Variants in RUNX2 observed in about 807,000 individuals in gnomAD.
RUNX2 encodes RUNX family transcription factor 2.
A neutral mutation model predicts 51.7 loss-of-function variants in RUNX2; 10 were observed. That is an observed-to-expected ratio of 0.19 (90% confidence interval 0.12 to 0.33). The LOEUF (loss-of-function observed/expected upper bound fraction) is 0.33. Among genes scored for constraint, RUNX2 ranks in the 10% least tolerant of loss-of-function variants. The pLI is 1.00. For synonymous variants in RUNX2, 276 were observed against 273.6 expected, an observed-to-expected ratio of 1.01 and a Z score of -0.09; for missense variants, 562 against 691.3, an observed-to-expected ratio of 0.81 and a Z score of 2.10.
chr6:45,409,069 G>C (rs1379675130), intron 2 of RUNX2, among the ~76,000 whole-genome samples: 1 of 152,064 alleles, frequency 6.6e-6, no homozygotes, highest in Non-Finnish European at 1.5e-5. Context: ...CAAGCCACTA[G>C]CTTTTATATT....
At chr6:45,444,901 C>G (rs1798948233) in intron 5 of RUNX2, among the ~76,000 whole-genome samples, 1 of 152,204 alleles carries the variant, frequency 6.6e-6, no homozygotes, top group Non-Finnish European at 1.5e-5. Flanking sequence ...CTCATTCCAG[C>G]TGATGTCAGC....
At chr6:45,544,902 A>G (rs1802347889) in intron 7 of RUNX2, among the ~76,000 whole-genome samples, 1 of 152,210 alleles carries the variant, frequency 6.6e-6, no homozygotes. Flanking sequence ...TAAGCTTGTC[A>G]GAATTTCGTT....
intron 3 of RUNX2, among the ~76,000 whole-genome samples, chr6:45,423,387 TC>T (rs1488732330): frequency 1.3e-5 from 2 of 151,984 alleles, no homozygotes; most frequent in Non-Finnish European, 2.9e-5. Flanking sequence ...GGCTCCCGCG[TC>T]CTTCCGGGAC....
chr6:45,351,245 T>C (rs1347116261), intron 2 of RUNX2, among the ~76,000 whole-genome samples: 1 of 151,838 alleles, frequency 6.6e-6, no homozygotes, highest in Non-Finnish European at 1.5e-5. Context: ...AGTATACAAC[T>C]CACTCATCAC....
At chr6:45,451,906 C>T (rs563992730) in intron 5 of RUNX2, among the ~76,000 whole-genome samples, 25 of 152,280 alleles carry the variant, frequency 1.6e-4, no homozygotes, top group Non-Finnish European at 3.4e-4. Context: ...GAAGCTCAGA[C>T]TCGCAGAGGT....
intron 2 of RUNX2, among the ~76,000 whole-genome samples, chr6:45,365,877 A>G (rs1795052134): frequency 8.2e-6 from 1 of 121,720 alleles, no homozygotes; most frequent in African/African-American, 2.7e-5. Flanking sequence ...CGGTAGATCA[A>G]AAGCATTATA....
chr6:45,534,770 A>G (rs1182036256), intron 7 of RUNX2, among the ~76,000 whole-genome samples: 1 of 152,242 alleles, frequency 6.6e-6, no homozygotes, highest in Non-Finnish European at 1.5e-5. Flanking sequence ...TTTAGGTCAA[A>G]TCTGCTATTG....
intron 7 of RUNX2, among the ~76,000 whole-genome samples, chr6:45,537,888 TG>T (rs1432289746): frequency 6.6e-6 from 1 of 152,226 alleles, no homozygotes; most frequent in Non-Finnish European, 1.5e-5. Context: ...CCTGATCTGC[TG>T]GCATAACCCA....
chr6:45,431,631 C>T (rs1798545400), intron 3 of RUNX2, among the ~76,000 whole-genome samples: 1 of 152,140 alleles, frequency 6.6e-6, no homozygotes, highest in African/African-American at 2.4e-5. Flanking sequence ...AAGAATCCAA[C>T]AACAAATGAA....
At chr6:45,330,576 A>G (rs1377264395) in intron 2 of RUNX2, among the ~76,000 whole-genome samples, 1 of 152,046 alleles carries the variant, frequency 6.6e-6, no homozygotes, top group Non-Finnish European at 1.5e-5. Flanking sequence ...TATCATGAAG[A>G]ATATGTTAAA....
At chr6:45,408,914 T>C (rs773003223) in intron 2 of RUNX2, among the ~76,000 whole-genome samples, 77 of 152,296 alleles carry the variant, frequency 5.1e-4, no homozygotes, top group Admixed American at 2.0e-3. Context: ...GTTTTGTAAA[T>C]GAGAAGTCAG....
At chr6:45,364,704 T>C (rs1172628504) in intron 2 of RUNX2, among the ~76,000 whole-genome samples, 2 of 152,344 alleles carry the variant, frequency 1.3e-5, no homozygotes, top group Admixed American at 6.5e-5. Flanking sequence ...GTTTTTCAAA[T>C]GCTCTAAGTT....
intron 5 of RUNX2, among the ~76,000 whole-genome samples, chr6:45,483,956 T>C (rs1800191440): frequency 6.6e-6 from 1 of 152,238 alleles, no homozygotes; most frequent in African/African-American, 2.4e-5. Flanking sequence ...CCTTATTTGC[T>C]GGGCTCAGGG....
intron 2 of RUNX2, among the ~76,000 whole-genome samples, chr6:45,389,955 G>A (rs535187317): frequency 3.3e-5 from 5 of 151,718 alleles, no homozygotes; most frequent in African/African-American, 4.8e-5. Context: ...GCAGTGAGCC[G>A]AGATTGAACC....
At chr6:45,537,036 G>A (rs568925101) in intron 7 of RUNX2, among the ~76,000 whole-genome samples, 1 of 152,302 alleles carries the variant, frequency 6.6e-6, no homozygotes, top group South Asian at 2.1e-4. Flanking sequence ...CGGGTAAGGA[G>A]GAATGCCCTT....
At chr6:45,437,545 T>A (rs997432255) in intron 4 of RUNX2, among the ~76,000 whole-genome samples, 3 of 152,188 alleles carry the variant, frequency 2.0e-5, no homozygotes, top group African/African-American at 7.2e-5. Context: ...ACTATTGTTC[T>A]CTCGTGAGGT....
At chr6:45,341,063 C>T (rs1581716832) in intron 2 of RUNX2, among the ~76,000 whole-genome samples, 1 of 152,148 alleles carries the variant, frequency 6.6e-6, no homozygotes, top group South Asian at 2.1e-4. Context: ...TGTACTTTTT[C>T]CTGTGCCTAC....
chr6:45,449,728 G>A (rs1030569355), intron 5 of RUNX2, among the ~76,000 whole-genome samples: 4 of 152,190 alleles, frequency 2.6e-5, no homozygotes, highest in Non-Finnish European at 4.4e-5. Flanking sequence ...AGGCATGTTT[G>A]TTGAATGAGT....
At chr6:45,408,962 T>C (rs569014830) in intron 2 of RUNX2, among the ~76,000 whole-genome samples, 4 of 152,322 alleles carry the variant, frequency 2.6e-5, no homozygotes, top group Non-Finnish European at 4.4e-5. Flanking sequence ...TGATATATGT[T>C]TACTGTATGA....
Sources: gnomAD v4.1 joint callset for allele counts (sites outside exome capture counted in the v4.1 genomes callset) on GRCh38, gnomAD v4.1.1 for gene constraint, MANE v1.5 for transcripts, NCBI Gene and HGNC (gene_info 2026-07-23, HGNC 2026-07-21) for gene names.